The following NOSIP variants were observed in gnomAD, a reference collection of about 807,000 sequenced individuals.
The protein encoded by NOSIP is nitric oxide synthase interacting protein.
Under a neutral mutation model 36.4 loss-of-function variants are expected in NOSIP, and 25 were observed. That is an observed-to-expected ratio of 0.69 (90% CI 0.50 to 0.96). The LOEUF is 0.96. Among genes scored for constraint, NOSIP ranks in the 40% least tolerant of loss-of-function variants. The probability of loss-of-function intolerance (pLI) is 0.00; values close to 1 mark genes in which losing one functional copy is unlikely to be tolerated. For synonymous variants in NOSIP, 187 were observed against 179.2 expected, an observed-to-expected ratio of 1.04 and a Z score of -0.35; for missense variants, 370 against 429.0, an observed-to-expected ratio of 0.86 and a Z score of 1.21.
chr19:49,575,928 G>A (rs902204670), intron 1 of NOSIP, among the ~76,000 whole-genome samples: 2 of 152,072 alleles, frequency 1.3e-5, no homozygotes, highest in Non-Finnish European at 2.9e-5. Flanking sequence ...TCAGGAGATT[G>A]AGACCATCCT....
Position 49,560,122 on chromosome 19 carries a change from G to A in NOSIP, c.71-83C>T. 1.1e-6 allele frequency: 1 copy of A among 910,920 alleles called. No homozygotes were observed. Among genetic ancestry groups the A allele is most frequent in the South Asian group, 1.6e-5 (1 of 63,344 alleles). 56.4% of individuals were successfully genotyped at this position (910,920 alleles called of 1,614,324 possible). A position where few individuals can be genotyped will look rare whatever the true frequency, so the allele number is the denominator to read the frequency against. The stretch of plus-strand genomic sequence containing the variant: ...CTCCAAAGCCCCAGAGAGAGGCACA[G>A]AGACAACGCGGTGGTGGGGGTGGGG... On this transcript the variant is annotated intron_variant, in intron 2 of 8. Coordinates refer to ENST00000596358, the MANE Select transcript of NOSIP (RefSeq NM_001270960.2). The surrounding 1 kb of genome is among the most constrained non-coding windows in gnomAD (Gnocchi z 4.6).
intron 3 of NOSIP, chr19:49,559,434 C>T (rs771926441): frequency 5.5e-4 from 98 of 179,162 alleles, no homozygotes; most frequent in Admixed American, 2.5e-3. Flanking sequence ...AGGAGGATCA[C>T]CTGAGCCTGG....
intron 1 of NOSIP, among the ~76,000 whole-genome samples, chr19:49,563,234 G>A (rs574173368): frequency 6.6e-6 from 1 of 151,430 alleles, no homozygotes; most frequent in South Asian, 2.1e-4. Flanking sequence ...GGAGTGCAGT[G>A]GTACAATCAC....
chr19:49,569,775 T>C (rs1443011394), intron 1 of NOSIP, among the ~76,000 whole-genome samples: 2 of 151,710 alleles, frequency 1.3e-5, no homozygotes, highest in Non-Finnish European at 2.9e-5. Flanking sequence ...GCCATCGCAC[T>C]CCAGCCTGGG....
chr19:49,555,997 G>GGCGCAGGGCGCAGA (rs2080232962), intron 8 of NOSIP, among the ~76,000 whole-genome samples, 175 bp from the exon 9 acceptor site: 2 of 149,818 alleles, frequency 1.3e-5, no homozygotes, highest in African/African-American at 4.9e-5. Flanking sequence ...CAGGGCGCAG[G>GGCGCAGGGCGCAGA]GCGCAGAGAA....
chr19:49,571,898 T>A (rs1168058561), intron 1 of NOSIP, among the ~76,000 whole-genome samples: 1 of 142,852 alleles, frequency 7.0e-6, no homozygotes, highest in Non-Finnish European at 1.5e-5. Flanking sequence ...GGCAGAAGAA[T>A]CGCTTGAACC....
At chr19:49,564,753 T>C (rs1238284495) in intron 1 of NOSIP, among the ~76,000 whole-genome samples, 2 of 152,020 alleles carry the variant, frequency 1.3e-5, no homozygotes, top group Non-Finnish European at 2.9e-5. Context: ...CAATGGCTCA[T>C]AAACTGGAAA....
At chr19:49,556,198 G>C in intron 8 of NOSIP, 119 bp downstream of exon 8, 1 of 483,448 alleles carries the variant, frequency 2.1e-6, no homozygotes, top group Non-Finnish European at 3.7e-6. Flanking sequence ...TTACAGAGCA[G>C]AGAAGAAGGC....
At chr19:49,572,406 CTTT>C (rs35209614) in intron 1 of NOSIP, among the ~76,000 whole-genome samples, 2 of 97,928 alleles carry the variant, frequency 2.0e-5, no homozygotes, top group Non-Finnish European at 1.9e-5. Flanking sequence ...TGCACCCAGC[CTTT>C]TTTTTTTTTT....
rs888792082 is a variant in NOSIP at position 49,569,440 on chromosome 19, T to C, written c.-1-8748A>G. Among the ~76,000 whole-genome samples, 9 of 147,262 alleles carry C rather than the reference T, an allele frequency of 6.1e-5. No individual in the cohort carries two copies. The East Asian group carries it at 1.9e-3, about 31-fold the overall frequency. On this transcript the variant is annotated intron_variant, in intron 1 of 8. Transcript: ENST00000596358. Reference sequence around the variant, plus strand: ...GTCTTGATCTCCTGACCTCGTGATCTGCCCGCCTCGGCCTTCCAAAGTGCT... The same window carrying C: ...GTCTTGATCTCCTGACCTCGTGATCCGCCCGCCTCGGCCTTCCAAAGTGCT...
Position 49,558,884 on chromosome 19 carries a change from C to T in NOSIP, c.258+13G>A, listed in dbSNP as rs1568723824. The T allele has an allele frequency of 1.2e-6, 2 of 1,610,966 alleles. No homozygotes were observed. The highest frequency in any genetic ancestry group is 1.7e-6 in the Non-Finnish European group (2 of 1,177,128). The stretch of plus-strand genomic sequence containing the variant: ...CCTGCCTCCGTGTGCCGCCTCCTCC[C>T]CATCCCCATCACCTTCATCTGCCGG... On this transcript the variant is annotated intron_variant, in intron 4 of 8. Transcript: ENST00000596358.
chr19:49,578,824 C>T (rs559498056), intron 1 of NOSIP, among the ~76,000 whole-genome samples: 2 of 151,404 alleles, frequency 1.3e-5, no homozygotes, highest in Non-Finnish European at 2.9e-5. Context: ...GGGGTTTCAC[C>T]GTGTTAGCCA....
At chr19:49,566,765 A>G (rs1179940808) in intron 1 of NOSIP, 1 of 150,748 alleles carries the variant, frequency 6.6e-6, no homozygotes, top group Non-Finnish European at 1.5e-5. Flanking sequence ...TCACTTGACC[A>G]GCCTTAAAAA....
intron 6 of NOSIP, 29 bp downstream of exon 6, chr19:49,556,846 G>C (rs780026225): frequency 1.3e-6 from 2 of 1,593,610 alleles, no homozygotes; most frequent in African/African-American, 2.7e-5. Flanking sequence ...CCCTGGCACC[G>C]TGCGTGCCGG....
chr19:49,573,929 G>GACTC (rs1185895424), intron 1 of NOSIP, among the ~76,000 whole-genome samples: 1 of 144,262 alleles, frequency 6.9e-6, no homozygotes, highest in East Asian at 2.1e-4. Context: ...GCACGATCTT[G>GACTC]ACTCACTGCA....
chr19:49,561,082 C>T (rs900444875), intron 1 of NOSIP, among the ~76,000 whole-genome samples: 4 of 152,182 alleles, frequency 2.6e-5, no homozygotes, highest in Admixed American at 2.0e-4. Flanking sequence ...ACCTTCCCTT[C>T]CCCTCTCATA....
chr19:49,566,361 T>C (rs958806786), intron 1 of NOSIP, among the ~76,000 whole-genome samples: 5 of 152,110 alleles, frequency 3.3e-5, no homozygotes, highest in African/African-American at 1.2e-4. Context: ...CTAGGCTGAA[T>C]ACAGTGGTAC....
At chr19:49,572,483 G>A (rs2080498490) in intron 1 of NOSIP, among the ~76,000 whole-genome samples, 1 of 146,252 alleles carries the variant, frequency 6.8e-6, no homozygotes, top group East Asian at 2.0e-4. Context: ...TGCAATCTTG[G>A]CTCACTGCAA....
intron 1 of NOSIP, among the ~76,000 whole-genome samples, chr19:49,566,456 G>T (rs1020806236): frequency 3.9e-5 from 6 of 152,054 alleles, no homozygotes; most frequent in Non-Finnish European, 8.8e-5. Flanking sequence ...ATACAGGCAT[G>T]CACCACCATG....
Sources: gnomAD v4.1 joint callset for allele counts (sites outside exome capture counted in the v4.1 genomes callset) on GRCh38, gnomAD v4.1.1 for gene constraint, Gnocchi (gnomAD v3.1) non-coding constraint, MANE v1.5 for transcripts, NCBI Gene and HGNC (gene_info 2026-07-23, HGNC 2026-07-21) for gene names.